Variants in APBB1IP observed in about 807,000 individuals in gnomAD.
The protein encoded by APBB1IP is amyloid beta precursor protein binding family B member 1 interacting protein.
A neutral mutation model predicts 64.9 loss-of-function variants in APBB1IP; 27 were observed. The observed-to-expected ratio is 0.42, with a 90% CI of 0.31 to 0.57. The LOEUF is 0.57. APBB1IP is among the 20% of genes least tolerant of loss of function. The pLI is 0.20. For missense variants in APBB1IP, 812 were observed against 845.5 expected (o/e 0.96, Z 0.49); for synonymous variants, 392 against 331.0 (o/e 1.18, Z -2.00).
chr10:26,483,419 A>G (rs1453052723), intron 2 of APBB1IP, among the ~76,000 whole-genome samples: 2 of 152,180 alleles, frequency 1.3e-5, no homozygotes, highest in Non-Finnish European at 2.9e-5. Context: ...TAATCAGTCA[A>G]TGCACGTAAC....
intron 11 of APBB1IP, among the ~76,000 whole-genome samples, chr10:26,544,744 G>T (rs1181757101): frequency 6.6e-6 from 1 of 152,138 alleles, no homozygotes; most frequent in Non-Finnish European, 1.5e-5. Flanking sequence ...CATAAGTTTG[G>T]GACTAGGACC....
intron 8 of APBB1IP, among the ~76,000 whole-genome samples, chr10:26,518,613 T>C (rs1836362615): frequency 6.6e-6 from 1 of 152,246 alleles, no homozygotes; most frequent in Admixed American, 6.5e-5. Context: ...TTATCCATTC[T>C]AGGGGTTTGT....
At chr10:26,552,894 T>C (rs1243553439) in intron 11 of APBB1IP, among the ~76,000 whole-genome samples, 1 of 152,180 alleles carries the variant, frequency 6.6e-6, no homozygotes, top group Non-Finnish European at 1.5e-5. Context: ...AAATATTCCT[T>C]GGTTTGGGGG....
chr10:26,513,205 T>C (rs1335318501), intron 7 of APBB1IP, among the ~76,000 whole-genome samples: 1 of 152,192 alleles, frequency 6.6e-6, no homozygotes, highest in Non-Finnish European at 1.5e-5. Context: ...TGCTTGAGCC[T>C]TGAGCCTGTG....
At chr10:26,514,352 T>C (rs989153464) in intron 8 of APBB1IP, among the ~76,000 whole-genome samples, 1 of 152,234 alleles carries the variant, frequency 6.6e-6, no homozygotes, top group Non-Finnish European at 1.5e-5. Flanking sequence ...TTGTTGTTTG[T>C]ATTTGGTGCT....
At chr10:26,519,841 C>G (rs886627506) in intron 8 of APBB1IP, among the ~76,000 whole-genome samples, 1 of 152,198 alleles carries the variant, frequency 6.6e-6, no homozygotes, top group African/African-American at 2.4e-5. Context: ...CTGGCCAGTG[C>G]TCTGCATACA....
At chr10:26,483,708 A>AT (rs1423489671) in intron 2 of APBB1IP, among the ~76,000 whole-genome samples, 1 of 151,966 alleles carries the variant, frequency 6.6e-6, no homozygotes, top group Admixed American at 6.6e-5. Flanking sequence ...CTGTTGTTTC[A>AT]TTTTTTTATC....
At chr10:26,452,711 G>A (rs1218487981) in intron 2 of APBB1IP, among the ~76,000 whole-genome samples, 3 of 152,100 alleles carry the variant, frequency 2.0e-5, no homozygotes, top group African/African-American at 7.2e-5. Context: ...TACAAGTGTA[G>A]ATTTCTTACA....
At chr10:26,479,941 G>A (rs537405621) in intron 2 of APBB1IP, among the ~76,000 whole-genome samples, 17 of 152,196 alleles carry the variant, frequency 1.1e-4, no homozygotes, top group Admixed American at 8.5e-4. Flanking sequence ...CCTCAGAGAA[G>A]TGCAGCCTTT....
chr10:26,529,267 G>A (rs1031626886), intron 8 of APBB1IP, among the ~76,000 whole-genome samples: 2 of 152,224 alleles, frequency 1.3e-5, no homozygotes, highest in Non-Finnish European at 2.9e-5. Flanking sequence ...TTGAGTGGGC[G>A]CCCACACCGC....
At chr10:26,562,754 G>A (rs568545847) in intron 14 of APBB1IP, among the ~76,000 whole-genome samples, 11 of 152,070 alleles carry the variant, frequency 7.2e-5, no homozygotes, top group East Asian at 5.8e-4. Flanking sequence ...CTGTGATTGC[G>A]CCACTGCATT....
chr10:26,438,994 G>A (rs1386264907), intron 2 of APBB1IP, 141 bp downstream of exon 2: 1 of 152,258 alleles, frequency 6.6e-6, no homozygotes, highest in Non-Finnish European at 1.5e-5. Flanking sequence ...CGTGCCCCCA[G>A]GCGTGGCCCT....
At chr10:26,492,839 G>A (rs1211662787) in intron 3 of APBB1IP, among the ~76,000 whole-genome samples, 1 of 152,200 alleles carries the variant, frequency 6.6e-6, no homozygotes. Context: ...ATGCCCCGCT[G>A]TGCACGCATT....
At chr10:26,502,286 T>C (rs1277664806) in intron 5 of APBB1IP, among the ~76,000 whole-genome samples, 3 of 152,230 alleles carry the variant, frequency 2.0e-5, no homozygotes, top group Admixed American at 2.0e-4. Flanking sequence ...TTCACTCACT[T>C]TTCAGCCTGT....
At chr10:26,447,374 C>CAAAAAAAA (rs55948326) in intron 2 of APBB1IP, among the ~76,000 whole-genome samples, 5 of 54,994 alleles carry the variant, frequency 9.1e-5, no homozygotes, top group African/African-American at 2.2e-4. Context: ...GACTCCGTCT[C>CAAAAAAAA]AAAAAAAAAA....
At chr10:26,451,824 CA>C (rs1835468539) in intron 2 of APBB1IP, among the ~76,000 whole-genome samples, 1 of 152,164 alleles carries the variant, frequency 6.6e-6, no homozygotes, top group African/African-American at 2.4e-5. Context: ...AGGCAATCTT[CA>C]GTCAATCCTC....
chr10:26,564,737 A>C (rs1837018220), intron 14 of APBB1IP, among the ~76,000 whole-genome samples: 1 of 152,090 alleles, frequency 6.6e-6, no homozygotes, highest in Non-Finnish European at 1.5e-5. Context: ...CGGGAGGTGG[A>C]GTTTGCAGTG....
At chr10:26,441,675 G>A (rs905798621) in intron 2 of APBB1IP, among the ~76,000 whole-genome samples, 1 of 152,156 alleles carries the variant, frequency 6.6e-6, no homozygotes, top group Non-Finnish European at 1.5e-5. Flanking sequence ...AGCAAGCAGA[G>A]AGGTGACACC....
At chr10:26,478,264 G>A (rs779380551) in intron 2 of APBB1IP, among the ~76,000 whole-genome samples, 3 of 152,214 alleles carry the variant, frequency 2.0e-5, no homozygotes, top group African/African-American at 4.8e-5. Context: ...GCGAATGCAC[G>A]CTCACAGGGT....
Sources: gnomAD v4.1 joint callset for allele counts (sites outside exome capture counted in the v4.1 genomes callset) on GRCh38, gnomAD v4.1.1 for gene constraint, MANE v1.5 for transcripts, NCBI Gene and HGNC (gene_info 2026-07-23, HGNC 2026-07-21) for gene names.